PHACTR3: variants seen among roughly 807,000 people sequenced by gnomAD.
PHACTR3 encodes the protein protein phosphatase 1, regulatory subunit 123.
A neutral mutation model predicts 66.8 loss-of-function variants in PHACTR3; 16 were observed. The ratio of observed to expected loss-of-function variants is 0.24; its 90% CI spans 0.16 to 0.36. The LOEUF (loss-of-function observed/expected upper bound fraction) is 0.36, where lower values mean the gene tolerates loss of function less well. PHACTR3 is among the 10% of genes least tolerant of loss of function. PHACTR3 has a pLI of 1.00. For missense variants in PHACTR3, 647 were observed against 719.9 expected, an observed-to-expected ratio of 0.90 and a Z score of 1.16; for synonymous variants, 323 against 292.1, an observed-to-expected ratio of 1.11 and a Z score of -1.08.
chr20:59,732,098 G>A (rs541031463), intron 1 of PHACTR3, among the ~76,000 whole-genome samples: 1 of 152,286 alleles, frequency 6.6e-6, no homozygotes, highest in African/African-American at 2.4e-5. Flanking sequence ...ACTTCTCAGA[G>A]CCTATACTAT....
At position 59,841,478 on chromosome 20, in the gene PHACTR3, G is replaced by C. The variant is rs374504891; in HGVS notation, c.1530G>C (p.Ala510=). 2 of 1,613,466 alleles carry C rather than the reference G, an allele frequency of 1.2e-6. No homozygotes were observed. Among genetic ancestry groups the C allele is most frequent in the East Asian group, 2.2e-5 (1 of 44,880 alleles). ...RFSDYVEVAK[A]QDYDRRADKP... ...GTGATTACGTGGAAGTAGCAAAAGCGCAGGACTATGACAGGAGGGCAGACA... is the reference window on the plus strand; with the variant it reads ...GTGATTACGTGGAAGTAGCAAAAGCCCAGGACTATGACAGGAGGGCAGACA... The change falls in exon 11 of 13, where the codon GCG becomes GCC. Residue 510 remains alanine, a synonymous_variant. Transcript: ENST00000371015.
chr20:59,781,011 A>T (rs1262341744), intron 7 of PHACTR3, among the ~76,000 whole-genome samples: 1 of 152,150 alleles, frequency 6.6e-6, no homozygotes, highest in Non-Finnish European at 1.5e-5. Flanking sequence ...CTGGGCATCC[A>T]CCGCTCATCA....
At chr20:59,800,621 A>G (rs769347547) in intron 7 of PHACTR3, among the ~76,000 whole-genome samples, 7 of 152,188 alleles carry the variant, frequency 4.6e-5, no homozygotes, top group Non-Finnish European at 8.8e-5. Context: ...TTTGATTACC[A>G]TGGCCCAGAC....
At chr20:59,675,302 TA>T (rs1185357071) in intron 1 of PHACTR3, among the ~76,000 whole-genome samples, 1 of 151,766 alleles carries the variant, frequency 6.6e-6, no homozygotes, top group Non-Finnish European at 1.5e-5. Flanking sequence ...TGGGGAAGGG[TA>T]CCCCATTGTA....
chr20:59,666,810 TC>T (rs1381624800), intron 1 of PHACTR3, among the ~76,000 whole-genome samples: 5 of 152,188 alleles, frequency 3.3e-5, no homozygotes, highest in African/African-American at 1.2e-4. Flanking sequence ...AGGCTCGCGG[TC>T]CAGGTCCTGA....
At chr20:59,768,862 G>A (rs902747043) in intron 5 of PHACTR3, among the ~76,000 whole-genome samples, 4 of 152,252 alleles carry the variant, frequency 2.6e-5, no homozygotes, top group Non-Finnish European at 2.9e-5. Context: ...CAGAAACGGA[G>A]GAGGTGAGAT....
intron 7 of PHACTR3, among the ~76,000 whole-genome samples, chr20:59,781,038 G>A (rs1314419921): frequency 2.0e-5 from 3 of 152,210 alleles, no homozygotes; most frequent in African/African-American, 7.2e-5. Context: ...TGCCTCACAG[G>A]CATGAAGCAA....
At chr20:59,696,301 C>T (rs1282554098) in intron 1 of PHACTR3, among the ~76,000 whole-genome samples, 1 of 152,150 alleles carries the variant, frequency 6.6e-6, no homozygotes, top group Non-Finnish European at 1.5e-5. Flanking sequence ...AATGACGCTG[C>T]CTCCAAGACG....
At chr20:59,651,295 G>A (rs904501197) in intron 1 of PHACTR3, among the ~76,000 whole-genome samples, 2 of 152,184 alleles carry the variant, frequency 1.3e-5, no homozygotes, top group Non-Finnish European at 2.9e-5. Context: ...AACTTTTCAT[G>A]TCAGAAACTA....
intron 1 of PHACTR3, among the ~76,000 whole-genome samples, chr20:59,669,477 AT>A (rs1259011962): frequency 6.6e-6 from 1 of 152,236 alleles, no homozygotes; most frequent in African/African-American, 2.4e-5. Flanking sequence ...GTATTGAGAG[AT>A]AATTCACATA....
At chr20:59,732,779 A>G (rs1043169840) in intron 1 of PHACTR3, among the ~76,000 whole-genome samples, 7 of 152,130 alleles carry the variant, frequency 4.6e-5, no homozygotes, top group South Asian at 4.2e-4. Context: ...CAATCCACTC[A>G]TTCATTTATT....
intron 1 of PHACTR3, among the ~76,000 whole-genome samples, chr20:59,659,552 T>C (rs562435473): frequency 1.3e-5 from 2 of 152,074 alleles, no homozygotes; most frequent in East Asian, 1.9e-4. Flanking sequence ...TTTGTATTTT[T>C]AGTAGAGACA....
At chr20:59,678,203 A>C (rs939845712) in intron 1 of PHACTR3, among the ~76,000 whole-genome samples, 17 of 152,082 alleles carry the variant, frequency 1.1e-4, no homozygotes, top group Admixed American at 1.0e-3. Context: ...CAAGCTGTTG[A>C]GCCCTGAGTC....
At chr20:59,653,109 T>G (rs1045835510) in intron 1 of PHACTR3, among the ~76,000 whole-genome samples, 5 of 152,146 alleles carry the variant, frequency 3.3e-5, no homozygotes, top group African/African-American at 1.2e-4. Context: ...AAAGGGAAAA[T>G]ATTCTTATAA....
In PHACTR3 at chr20:59,675,011, C is replaced by T. The variant is rs557984885; in HGVS notation, c.119-68096C>T. Among the ~76,000 whole-genome samples the T allele has an allele frequency of 4.5e-3, 404 of 89,140 alleles. 3 individuals are homozygous for T. The highest frequency in any genetic ancestry group is 6.6e-3 in the Non-Finnish European group (312 of 47,490). The allele number at this position is 89,140 out of a possible 152,430, so 58.5% of individuals were successfully genotyped here. A position where few individuals can be genotyped will look rare whatever the true frequency, so the allele number is the denominator to read the frequency against. Reference sequence around the variant, plus strand: ...CTCTCCTGTTCCCCCTTCTCCTGTTCCTCCCCATTCTCCTCCCTGTTCCTC... The same window carrying T: ...CTCTCCTGTTCCCCCTTCTCCTGTTTCTCCCCATTCTCCTCCCTGTTCCTC... On this transcript the variant is annotated intron_variant, in intron 1 of 12. Coordinates refer to ENST00000371015, the MANE Select transcript of PHACTR3 (RefSeq NM_080672.5).
intron 1 of PHACTR3, among the ~76,000 whole-genome samples, chr20:59,607,252 C>G (rs2033702547): frequency 6.6e-6 from 1 of 152,146 alleles, no homozygotes; most frequent in South Asian, 2.1e-4. Context: ...GGGATCTTCT[C>G]CTGCTGGGTG....
chr20:59,617,975 C>T (rs1240003863), intron 1 of PHACTR3, among the ~76,000 whole-genome samples: 1 of 152,186 alleles, frequency 6.6e-6, no homozygotes, highest in Non-Finnish European at 1.5e-5. Context: ...GGCGAATGCC[C>T]CATCCAGCTG....
chr20:59,577,680 G>T, intron 1 of PHACTR3: 1 of 1,080,718 alleles, frequency 9.3e-7, no homozygotes, highest in South Asian at 4.6e-5. Flanking sequence ...CCGGGCACGA[G>T]GCGCTGGGGG....
At chr20:59,749,306 A>C (rs572745179) in intron 3 of PHACTR3, among the ~76,000 whole-genome samples, 1 of 152,330 alleles carries the variant, frequency 6.6e-6, no homozygotes, top group East Asian at 1.9e-4. Context: ...ATTCTAAAAA[A>C]AACACTACTT....
Sources: gnomAD v4.1 joint callset for allele counts (sites outside exome capture counted in the v4.1 genomes callset) on GRCh38, gnomAD v4.1.1 for gene constraint, MANE v1.5 for transcripts, NCBI Gene and HGNC (gene_info 2026-07-23, HGNC 2026-07-21) for gene names.